The following CNTRL variants were observed in gnomAD, a reference collection of about 807,000 sequenced individuals.
CNTRL encodes 110 kDa centrosomal protein.
In CNTRL, 233 loss-of-function variants were observed where a neutral mutation model predicts 303.7. The observed-to-expected ratio is 0.77, with a 90% CI of 0.69 to 0.86. The LOEUF (loss-of-function observed/expected upper bound fraction) is 0.86, where lower values mean the gene tolerates loss of function less well. Among genes scored for constraint, CNTRL ranks in the 40% least tolerant of loss-of-function variants. The probability of loss-of-function intolerance (pLI) is 0.00; values close to 1 mark genes in which losing one functional copy is unlikely to be tolerated. For missense variants in CNTRL, 2,524 were observed against 2,650.6 expected (o/e 0.95, Z 1.05); for synonymous variants, 900 against 922.2 (o/e 0.98, Z 0.44).
rs1443368798 is a variant in CNTRL, at chr9:121,122,630, A to C, written c.1651-1301A>C. On this transcript the variant is annotated intron_variant, in intron 12 of 43. Coordinates refer to ENST00000373855, the MANE Select transcript of CNTRL (RefSeq NM_007018.6). ...GTGGGAGGGCAAAGGTTCTCTGGGGAATTATTTTGTCTCCATATGAACAGT... is the reference window on the plus strand; with the variant it reads ...GTGGGAGGGCAAAGGTTCTCTGGGGCATTATTTTGTCTCCATATGAACAGT... Among the ~76,000 whole-genome samples the C allele has an allele frequency of 2.6e-5, 4 of 152,080 alleles. No individual in the cohort carries two copies. In the East Asian group the frequency reaches 7.7e-4, roughly 29 times the overall value.
At chr9:121,096,368 G>A in intron 5 of CNTRL, 54 bp from the exon 6 acceptor site, 1 of 1,126,324 alleles carries the variant, frequency 8.9e-7, no homozygotes, top group East Asian at 2.7e-5. Flanking sequence ...AAAATACAAT[G>A]GAGAGACTCT....
chr9:121,089,710 C>G (rs1197461203), intron 3 of CNTRL, among the ~76,000 whole-genome samples: 1 of 152,126 alleles, frequency 6.6e-6, no homozygotes, highest in African/African-American at 2.4e-5. Context: ...TTTTTAAAAA[C>G]TAACACGAAA....
At chr9:121,112,418 A>C in intron 8 of CNTRL, 41 bp from the exon 9 acceptor site, 1 of 1,594,566 alleles carries the variant, frequency 6.3e-7, no homozygotes, top group Non-Finnish European at 8.6e-7. Context: ...ATACTAACTT[A>C]CTGATCCTGT....
chr9:121,100,752 T>C (rs982488604), intron 7 of CNTRL, among the ~76,000 whole-genome samples: 1 of 152,074 alleles, frequency 6.6e-6, no homozygotes, highest in African/African-American at 2.4e-5. Flanking sequence ...AAGGCAGGGG[T>C]TGCATTCCTA....
At chr9:121,085,595 G>A (rs1245110090) in intron 2 of CNTRL, among the ~76,000 whole-genome samples, 1 of 152,168 alleles carries the variant, frequency 6.6e-6, no homozygotes, top group African/African-American at 2.4e-5. Context: ...TTCTGAGCAA[G>A]CAAAAGATAT....
At position 121,119,365 on chromosome 9, in the gene CNTRL, C is replaced by T. The variant is rs932749761; in HGVS notation, c.1650+825C>T. On this transcript the variant is annotated intron_variant, in intron 12 of 43. Coordinates refer to ENST00000373855, the MANE Select transcript of CNTRL (RefSeq NM_007018.6). ...GGCTGGAGTGCAGTGGCGCAATCTC[C>T]GCTCACTGCAACCTCCGCCTCCCAG... Among the ~76,000 whole-genome samples the T allele has an allele frequency of 8.6e-5, 13 of 150,536 alleles. 1 individual carries two copies. The highest frequency in any genetic ancestry group is 7.8e-4 in the East Asian group (4 of 5,116).
intron 7 of CNTRL, among the ~76,000 whole-genome samples, chr9:121,103,883 C>T (rs1252501750): frequency 6.6e-6 from 1 of 152,176 alleles, no homozygotes; most frequent in Non-Finnish European, 1.5e-5. Flanking sequence ...ACAACAGGTG[C>T]TGGAGAGGAT....
intron 10 of CNTRL, among the ~76,000 whole-genome samples, 185 bp from the exon 11 acceptor site, chr9:121,114,906 T>C (rs1249770653): frequency 6.6e-6 from 1 of 152,214 alleles, no homozygotes; most frequent in Non-Finnish European, 1.5e-5. Flanking sequence ...AACAGTTTAT[T>C]CTAGAGATTA....
intron 31 of CNTRL, among the ~76,000 whole-genome samples, chr9:121,159,373 T>C (rs992963488): frequency 1.3e-5 from 2 of 152,046 alleles, no homozygotes; most frequent in African/African-American, 4.8e-5. Context: ...GTGGCTCACA[T>C]CTGTAATCCC....
chr9:121,119,746 G>A (rs1196171038), intron 12 of CNTRL, among the ~76,000 whole-genome samples: 2 of 148,428 alleles, frequency 1.3e-5, no homozygotes, highest in African/African-American at 5.0e-5. Context: ...TGCCTACCTT[G>A]GCCTCCCAAA....
intron 11 of CNTRL, among the ~76,000 whole-genome samples, chr9:121,116,310 G>C (rs934649672): frequency 6.6e-6 from 1 of 152,154 alleles, no homozygotes; most frequent in Non-Finnish European, 1.5e-5. Context: ...ATAAGGGAGA[G>C]TGTAGAGGAA....
In CNTRL at chr9:121,169,756, G is replaced by A; in HGVS notation, c.6216G>A (p.Gln2072=). Residue 2072 remains glutamine (Q), a synonymous_variant, in exon 39 of 44, where the codon CAG becomes CAA. Coordinates refer to ENST00000373855, the MANE Select transcript of CNTRL (RefSeq NM_007018.6). ...FLTERKKAEK[Q]VASLKEALKI... is the part of the protein sequence containing the mutation. The stretch of plus-strand genomic sequence containing the variant: ...CAGAAAGAAAGAAAGCTGAGAAGCA[G>A]GTGGCCAGCCTGAAGGAAGCACTTA... The A allele has an allele frequency of 6.2e-7, 1 of 1,614,224 alleles. No individual in the cohort carries two copies.
chr9:121,105,284 A>C (rs575536762), intron 7 of CNTRL, among the ~76,000 whole-genome samples: 8 of 152,208 alleles, frequency 5.3e-5, no homozygotes, highest in Non-Finnish European at 1.0e-4. Flanking sequence ...TAGATGGATC[A>C]GTTTTGAAGG....
Position 121,154,790 on chromosome 9 carries a change from T to C in CNTRL, c.4242T>C (p.His1414=). ...AAATAGAAAAATCACTCAAACATCA[T>C]GAAGATATTGTAGATGAAATTGAGT... The part of the protein sequence containing the change: ...ELEIEKSLKH[H]EDIVDEIECI... Residue 1414 remains histidine, a synonymous_variant, in exon 27 of 44, where the codon CAT becomes CAC. Transcript: ENST00000373855. The C allele has an allele frequency of 1.9e-6, 3 of 1,612,036 alleles. No homozygotes were observed. The highest frequency in any genetic ancestry group is 2.5e-6 in the Non-Finnish European group (3 of 1,178,090).
At chr9:121,165,967 T>G in intron 35 of CNTRL, 140 bp from the exon 36 acceptor site, 3 of 643,538 alleles carry the variant, frequency 4.7e-6, no homozygotes, top group Admixed American at 6.8e-5. Flanking sequence ...CTTTTGGCCT[T>G]TAATGAGATA....
chr9:121,129,932 A>G (rs2050757611), intron 14 of CNTRL, among the ~76,000 whole-genome samples: 1 of 152,174 alleles, frequency 6.6e-6, no homozygotes, highest in Admixed American at 6.5e-5. Context: ...GTGATGGATT[A>G]TGTTTATTGA....
chr9:121,114,869 C>G (rs1247045508), intron 10 of CNTRL, among the ~76,000 whole-genome samples: 1 of 152,068 alleles, frequency 6.6e-6, no homozygotes, highest in African/African-American at 2.4e-5. Context: ...ATAAAAGGAT[C>G]AATTATAGTT....
intron 8 of CNTRL, among the ~76,000 whole-genome samples, chr9:121,108,533 T>A (rs1469150573): frequency 6.6e-6 from 1 of 152,212 alleles, no homozygotes; most frequent in East Asian, 1.9e-4. Flanking sequence ...ATAAATGTTT[T>A]GTAAACTGTC....
At chr9:121,116,518 T>C (rs2049984824) in intron 11 of CNTRL, among the ~76,000 whole-genome samples, 3 of 152,142 alleles carry the variant, frequency 2.0e-5, no homozygotes, top group African/African-American at 4.8e-5. Flanking sequence ...AGATGGAGTC[T>C]CACCATATTG....
Sources: gnomAD v4.1 joint callset for allele counts (sites outside exome capture counted in the v4.1 genomes callset) on GRCh38, gnomAD v4.1.1 for gene constraint, MANE v1.5 for transcripts, NCBI Gene and HGNC (gene_info 2026-07-23, HGNC 2026-07-21) for gene names.